Variants in SVIL observed in about 807,000 individuals in gnomAD.
SVIL encodes archvillin.
Under a neutral mutation model 240.4 loss-of-function variants are expected in SVIL, and 101 were observed. The ratio of observed to expected loss-of-function variants is 0.42; its 90% confidence interval spans 0.36 to 0.50. The LOEUF (loss-of-function observed/expected upper bound fraction) is 0.50, where lower values mean the gene tolerates loss of function less well. Among genes scored for constraint, SVIL ranks in the 20% least tolerant of loss-of-function variants. The pLI is 0.01. For synonymous variants in SVIL, 999 were observed against 1,100.0 expected (o/e 0.91, Z 1.82); for missense variants, 2,512 against 2,818.7 (o/e 0.89, Z 2.46).
At chr10:29,461,289 G>T (rs757052950) in intron 36 of SVIL, among the ~76,000 whole-genome samples, 2 of 152,076 alleles carry the variant, frequency 1.3e-5, no homozygotes, top group Non-Finnish European at 2.9e-5. Flanking sequence ...CTGGTTTCAC[G>T]AAACCACAGT....
chr10:29,638,466 C>CA (rs1383425311), upstream of SVIL, among the ~76,000 whole-genome samples: 3,963 of 128,076 alleles, frequency 0.031, 184 homozygotes, highest in African/African-American at 0.11. Context: ...AACTCTGTCT[C>CA]AAAAAAAAAA....
chr10:29,527,065 G>A lies in SVIL; in HGVS notation c.2247-9C>T. On this transcript the variant is annotated splice_polypyrimidine_tract_variant and intron_variant, in intron 12 of 37. Transcript: ENST00000355867. ...AAGCGGGGATAGGTTCACTTTAAAA[G>A]CAATTGCCAAAGAGGAAACATTCAT... 1 of 1,611,268 alleles carries A rather than the reference G, an allele frequency of 6.2e-7. No homozygotes were observed. The highest frequency in any genetic ancestry group is 8.5e-7 in the Non-Finnish European group (1 of 1,177,900).
chr10:29,474,780 C>T (rs1253012075), intron 29 of SVIL, among the ~76,000 whole-genome samples: 1 of 152,038 alleles, frequency 6.6e-6, no homozygotes, highest in Non-Finnish European at 1.5e-5. Context: ...CAGCTTTAAG[C>T]ACAAAGGAAA....
intron 1 of SVIL, among the ~76,000 whole-genome samples, chr10:29,714,272 C>T (rs542293334): frequency 9.9e-5 from 15 of 152,242 alleles, no homozygotes; most frequent in African/African-American, 2.6e-4. Context: ...AGGGATTTTC[C>T]GGAAGGCACT....
intron 3 of SVIL, among the ~76,000 whole-genome samples, chr10:29,654,219 T>C (rs751042673): frequency 1.3e-5 from 2 of 152,146 alleles, no homozygotes; most frequent in South Asian, 2.1e-4. Context: ...TTTCTTTCAA[T>C]GATGTTTTAT....
At chr10:29,597,679 C>A (rs540082721) in intron 1 of SVIL, among the ~76,000 whole-genome samples, 1 of 152,110 alleles carries the variant, frequency 6.6e-6, no homozygotes, top group Non-Finnish European at 1.5e-5. Flanking sequence ...GGATTACAGG[C>A]GTGAACCACC....
chr10:29,521,337 A>G (rs191396072), intron 16 of SVIL, among the ~76,000 whole-genome samples: 11 of 152,190 alleles, frequency 7.2e-5, no homozygotes, highest in African/African-American at 2.6e-4. Context: ...AAGAGTGGTC[A>G]GTGAAGCCTG....
rs1235354536 is a variant in SVIL at position 29,563,293 on chromosome 10, C to G, written c.-142-1G>C. On this transcript the variant is annotated splice_acceptor_variant, in intron 2 of 37. Coordinates refer to ENST00000355867, the MANE Select transcript of SVIL (RefSeq NM_021738.3). LOFTEE classifies it low-confidence loss of function (5UTR_SPLICE). ...TTCGAGTGAGAACTCCTTCTGAAAG[C>G]TAAAAATTACTCCATTAATAAAGTT... 1.0e-6 allele frequency: 1 copy of G among 970,232 alleles called. No individual in the cohort carries two copies. 60.1% of individuals were successfully genotyped at this position (970,232 alleles called of 1,614,324 possible). A position where few individuals can be genotyped will look rare whatever the true frequency, so the allele number is the denominator to read the frequency against.
At chr10:29,637,179 T>A (rs939989911), upstream of SVIL, among the ~76,000 whole-genome samples, 1 of 152,078 alleles carries the variant, frequency 6.6e-6, no homozygotes, top group Non-Finnish European at 1.5e-5. Context: ...CTAAAAACCA[T>A]CTTGAAAAAG....
At chr10:29,632,278 G>A (rs937663138) in intron 1 of SVIL, among the ~76,000 whole-genome samples, 31 of 152,040 alleles carry the variant, frequency 2.0e-4, no homozygotes, top group Non-Finnish European at 3.2e-4. Flanking sequence ...ATCACCTGAG[G>A]TCAGGAGTTC....
At chr10:29,532,424 A>G in intron 8 of SVIL, 105 bp downstream of exon 8, 3 of 1,471,368 alleles carry the variant, frequency 2.0e-6, no homozygotes, top group Non-Finnish European at 2.7e-6. Context: ...CTTGTGAGCT[A>G]AGCTAATATG....
chr10:29,557,947 C>T lies in SVIL; in HGVS notation c.-50-2839G>A, dbSNP rs576965843. Reference sequence around the variant, plus strand: ...GAAGTGGCTTTGCTGTGAGCTCTGCCGCAGGATGTTGAATGTCCCAGGTTC... The same window carrying T: ...GAAGTGGCTTTGCTGTGAGCTCTGCTGCAGGATGTTGAATGTCCCAGGTTC... On this transcript the variant is annotated intron_variant, in intron 3 of 37. Coordinates refer to ENST00000355867, the MANE Select transcript of SVIL (RefSeq NM_021738.3). Among the ~76,000 whole-genome samples, 7 of 152,242 alleles carry T rather than the reference C, an allele frequency of 4.6e-5. No homozygotes were observed. The East Asian group carries it at 9.6e-4, about 21-fold the overall frequency.
chr10:29,509,330 GGAGAGAGAGAGAGAGAGAGAGA>G (rs66616602), intron 17 of SVIL, among the ~76,000 whole-genome samples: 2,332 of 66,922 alleles, frequency 0.035, 102 homozygotes, highest in African/African-American at 0.11. Flanking sequence ...GGAGGGGGAG[GGAGAGAGAGAGAGAGAGAGAGA>G]GAGAGAGAGA....
intron 1 of SVIL, among the ~76,000 whole-genome samples, chr10:29,709,073 C>T (rs1963104666): frequency 6.6e-6 from 1 of 152,082 alleles, no homozygotes; most frequent in African/African-American, 2.4e-5. Context: ...AACATTTGAC[C>T]AATCAGAGTT....
At chr10:29,552,633 GTCTA>G (rs1200171893) in intron 5 of SVIL, among the ~76,000 whole-genome samples, 6 of 151,146 alleles carry the variant, frequency 4.0e-5, no homozygotes, top group African/African-American at 1.5e-4. Flanking sequence ...GGTCCTAACA[GTCTA>G]TCTAACAGGC....
chr10:29,571,702 T>C (rs1446572188), intron 1 of SVIL, among the ~76,000 whole-genome samples: 1 of 152,224 alleles, frequency 6.6e-6, no homozygotes, highest in Non-Finnish European at 1.5e-5. Context: ...AATATGTAGT[T>C]GATGAGCTCA....
At chr10:29,629,110 T>C (rs945737338) in intron 1 of SVIL, among the ~76,000 whole-genome samples, 6 of 151,990 alleles carry the variant, frequency 3.9e-5, no homozygotes, top group Non-Finnish European at 8.8e-5. Context: ...AGTGATCGCT[T>C]GAGGTCAAGG....
chr10:29,579,505 C>T (rs933207353), intron 1 of SVIL, among the ~76,000 whole-genome samples: 3 of 152,158 alleles, frequency 2.0e-5, no homozygotes, highest in Non-Finnish European at 4.4e-5. Flanking sequence ...TTCCTGCAGT[C>T]CAACTATTGA....
At chr10:29,503,567 G>A (rs1949059193) in intron 17 of SVIL, among the ~76,000 whole-genome samples, 1 of 152,194 alleles carries the variant, frequency 6.6e-6, no homozygotes, top group Admixed American at 6.5e-5. Flanking sequence ...ATGAGCTAGT[G>A]CTACATACTC....
Sources: gnomAD v4.1 joint callset for allele counts (sites outside exome capture counted in the v4.1 genomes callset) on GRCh38, gnomAD v4.1.1 for gene constraint, MANE v1.5 for transcripts, NCBI Gene and HGNC (gene_info 2026-07-23, HGNC 2026-07-21) for gene names.